Variants in PKHD1 observed in about 807,000 individuals in gnomAD.
The protein encoded by PKHD1 is PKHD1 ciliary IPT domain containing fibrocystin/polyductin.
Under a neutral mutation model 412.0 loss-of-function variants are expected in PKHD1, and 291 were observed. That is an observed-to-expected ratio of 0.71 (90% CI 0.64 to 0.78). The LOEUF (loss-of-function observed/expected upper bound fraction) is 0.78, where lower values mean the gene tolerates loss of function less well. Among genes scored for constraint, PKHD1 ranks in the 30% least tolerant of loss-of-function variants. The probability of loss-of-function intolerance (pLI) is 0.00; values close to 1 mark genes in which losing one functional copy is unlikely to be tolerated. For synonymous variants in PKHD1, 1,777 were observed against 1,821.5 expected, an observed-to-expected ratio of 0.98 and a Z score of 0.62; for missense variants, 4,825 against 4,950.7, an observed-to-expected ratio of 0.97 and a Z score of 0.76.
intron 53 of PKHD1, among the ~76,000 whole-genome samples, chr6:51,782,662 T>C (rs1223808652): frequency 2.0e-5 from 3 of 152,210 alleles, no homozygotes; most frequent in Admixed American, 2.0e-4. Context: ...ACACTTATAT[T>C]ATACACATTG....
rs755986501 is a variant in PKHD1 at position 51,632,652 on chromosome 6, T to C, written c.11578A>G (p.Ile3860Val). Residue 3860 changes from isoleucine to valine, a missense_variant, in exon 65 of 67, where the codon ATC (isoleucine) becomes GTC (valine). Ile to Val is a conservative substitution (Grantham distance 29). Coordinates refer to ENST00000371117, the MANE Select transcript of PKHD1 (RefSeq NM_138694.4). ...PVTRKEKSTI[I>V]LAASLSSVAS... ...ACAGAGGACAGGGAAGCAGCCAGGATGATGGTCGACTTCTCCTTCCTAGTC... is the reference window on the plus strand; with the variant it reads ...ACAGAGGACAGGGAAGCAGCCAGGACGATGGTCGACTTCTCCTTCCTAGTC... The C allele has an allele frequency of 3.1e-6, 5 of 1,613,358 alleles. No individual in the cohort carries two copies. Among genetic ancestry groups the C allele is most frequent in the Middle Eastern group, 1.7e-4 (1 of 6,054 alleles).
chr6:51,677,093 A>G (rs561486957), intron 60 of PKHD1, among the ~76,000 whole-genome samples: 41 of 152,268 alleles, frequency 2.7e-4, no homozygotes, highest in African/African-American at 9.1e-4. Flanking sequence ...ACATATACAC[A>G]CTGATAGGAA....
intron 66 of PKHD1, among the ~76,000 whole-genome samples, chr6:51,619,830 C>T (rs920798630): frequency 6.6e-6 from 1 of 151,570 alleles, no homozygotes. Context: ...CACTTACCAA[C>T]AGGCCAACTT....
At chr6:51,832,922 A>G (rs1222951297) in intron 51 of PKHD1, among the ~76,000 whole-genome samples, 1 of 152,180 alleles carries the variant, frequency 6.6e-6, no homozygotes, top group African/African-American at 2.4e-5. Flanking sequence ...CACCTTGGGA[A>G]TAAGGCAATG....
rs1357060416 is a variant in PKHD1, at chr6:51,616,485, T to C, written c.*2596A>G. 2.8e-5 allele frequency: 11 copies of C among 390,888 alleles called. No homozygotes were observed. The East Asian group carries it at 3.3e-4, about 12-fold the overall frequency. The allele number at this position is 390,888 out of a possible 1,614,324, so 24.2% of individuals were successfully genotyped here. The stretch of plus-strand genomic sequence containing the variant: ...GCTCATCTCCAGACATGAATGAACA[T>C]AGAGCTGCTCTCTTTGCTTTTGGTG... On this transcript the variant is annotated 3_prime_UTR_variant, in exon 67 of 67. Transcript: ENST00000371117.
In PKHD1 at chr6:52,055,633, G is replaced by A. The variant is rs1807598112; in HGVS notation, c.1790C>T (p.Thr597Ile). The A allele has an allele frequency of 1.9e-6, 3 of 1,614,008 alleles. No individual in the cohort carries two copies. Among genetic ancestry groups the A allele is most frequent in the Non-Finnish European group, 1.7e-6 (2 of 1,179,896 alleles). The change falls in exon 19 of 67, where the codon ACT (threonine) becomes ATT (isoleucine). Residue 597 changes from threonine to isoleucine, a missense_variant. Coordinates refer to ENST00000371117, the MANE Select transcript of PKHD1 (RefSeq NM_138694.4). ...ATAGCCCTTCTGGGCAGCCGGGGGA[G>A]TAAGGACAAGGTGTCGAGGCTGACG... ...SLRQPRHLVL[T>I]PPAAQKGYRL...
At chr6:51,859,563 T>C (rs1773875766) in intron 48 of PKHD1, among the ~76,000 whole-genome samples, 1 of 151,084 alleles carries the variant, frequency 6.6e-6, no homozygotes, top group Non-Finnish European at 1.5e-5. Context: ...TATGTGATAG[T>C]ATAATCAATT....
At chr6:51,809,073 T>C (rs1417779522) in intron 52 of PKHD1, among the ~76,000 whole-genome samples, 1 of 152,090 alleles carries the variant, frequency 6.6e-6, no homozygotes, top group East Asian at 1.9e-4. Context: ...TCCCAAGAAC[T>C]AATACTCAAA....
intron 60 of PKHD1, among the ~76,000 whole-genome samples, chr6:51,699,929 G>A (rs969706459): frequency 5.3e-5 from 8 of 150,906 alleles, no homozygotes; most frequent in Middle Eastern, 3.2e-3. Flanking sequence ...GAGTGTGTGT[G>A]TGTGTGTGTG....
intron 35 of PKHD1, among the ~76,000 whole-genome samples, chr6:52,007,219 G>T (rs1368781312): frequency 6.6e-6 from 1 of 152,194 alleles, no homozygotes; most frequent in African/African-American, 2.4e-5. Context: ...TAATGGGATT[G>T]CTGGATCAAA....
rs375395303 is a variant in PKHD1 at position 51,628,309 on chromosome 6, A to G, written c.11666-1193T>C. ...TGAACCCAGTGTTTAGCTCCCACTTATAAGTGACAACATGCAGTATTTGGT... is the reference window on the plus strand; with the variant it reads ...TGAACCCAGTGTTTAGCTCCCACTTGTAAGTGACAACATGCAGTATTTGGT... On this transcript the variant is annotated intron_variant, in intron 65 of 66. Transcript: ENST00000371117. Among the ~76,000 whole-genome samples the G allele has an allele frequency of 1.5e-3, 229 of 152,218 alleles. 1 individual carries two copies. The highest frequency in any genetic ancestry group is 5.0e-3 in the African/African-American group (209 of 41,542).
intron 49 of PKHD1, among the ~76,000 whole-genome samples, chr6:51,852,063 A>T (rs1772372497): frequency 6.6e-6 from 1 of 152,086 alleles, no homozygotes; most frequent in African/African-American, 2.4e-5. Flanking sequence ...TTTCCCTCTT[A>T]ACACTACTTT....
At chr6:51,712,450 C>A (rs760666850) in intron 60 of PKHD1, among the ~76,000 whole-genome samples, 1 of 151,994 alleles carries the variant, frequency 6.6e-6, no homozygotes, top group Non-Finnish European at 1.5e-5. Flanking sequence ...GAATTTAAAC[C>A]ATTTCTTGTA....
chr6:52,081,409 A>G (rs976783522), intron 4 of PKHD1, among the ~76,000 whole-genome samples: 3 of 152,202 alleles, frequency 2.0e-5, no homozygotes, highest in Admixed American at 1.3e-4. Flanking sequence ...GAGGACTACA[A>G]TGGTGAAATT....
intron 36 of PKHD1, among the ~76,000 whole-genome samples, chr6:51,954,461 AG>A (rs1299014321): frequency 6.6e-6 from 1 of 152,060 alleles, no homozygotes; most frequent in Non-Finnish European, 1.5e-5. Flanking sequence ...CTTTAGTATA[AG>A]CCAGTAGACC....
chr6:51,903,043 C>G (rs753273691), intron 43 of PKHD1, among the ~76,000 whole-genome samples: 2 of 152,090 alleles, frequency 1.3e-5, no homozygotes, highest in African/African-American at 4.8e-5. Context: ...CAAAAATCAG[C>G]ACCCAGAGTT....
Position 52,069,437 on chromosome 6 carries a change from T to G in PKHD1, c.778+20A>C. The G allele has an allele frequency of 1.3e-6, 2 of 1,576,654 alleles. No homozygotes were observed. The highest frequency in any genetic ancestry group is 1.7e-6 in the Non-Finnish European group (2 of 1,145,884). Reference sequence around the variant, plus strand: ...GAGTGAGGCACAAGGGAAGGGGTACTTGGTGAAGGGGGATAGTACCTGAGT... The same window carrying G: ...GAGTGAGGCACAAGGGAAGGGGTACGTGGTGAAGGGGGATAGTACCTGAGT... On this transcript the variant is annotated intron_variant, in intron 11 of 66. Coordinates refer to ENST00000371117, the MANE Select transcript of PKHD1 (RefSeq NM_138694.4).
chr6:52,083,928 G>C (rs1410356797), intron 2 of PKHD1, among the ~76,000 whole-genome samples: 2 of 151,932 alleles, frequency 1.3e-5, no homozygotes, highest in African/African-American at 4.8e-5. Context: ...CCTGCTTAGA[G>C]AGGGGGTGAA....
chr6:51,726,624 C>T (rs560858304), intron 60 of PKHD1, among the ~76,000 whole-genome samples: 58 of 152,256 alleles, frequency 3.8e-4, no homozygotes, highest in African/African-American at 1.4e-3. Flanking sequence ...CATAATTTTT[C>T]AATCAAAAAC....
Sources: allele counts gnomAD v4.1 joint callset (sites outside exome capture counted in the v4.1 genomes callset), GRCh38; gene constraint gnomAD v4.1.1; transcripts MANE v1.5; gene names NCBI Gene and HGNC (gene_info 2026-07-23, HGNC 2026-07-21).